The following ZFHX3 variants were observed in gnomAD, a reference collection of about 807,000 sequenced individuals.
ZFHX3 encodes the protein zinc finger homeobox protein 3.
A neutral mutation model predicts 279.1 loss-of-function variants in ZFHX3; 42 were observed. The ratio of observed to expected loss-of-function variants is 0.15; its 90% CI spans 0.12 to 0.19. ZFHX3 has a LOEUF of 0.19. ZFHX3 is among the 10% of genes least tolerant of loss of function. The pLI is 1.00. For synonymous variants in ZFHX3, 2,293 were observed against 1,957.8 expected (o/e 1.17, Z -4.52); for missense variants, 4,981 against 4,754.0 (o/e 1.05, Z -1.40).
At chr16:73,289,402 G>T (rs1221162131) in intron 4 of ZFHX3, among the ~76,000 whole-genome samples, 1 of 152,010 alleles carries the variant, frequency 6.6e-6, no homozygotes, top group Admixed American at 6.6e-5. Context: ...GTAAGAGGGT[G>T]ACTCAAAACA....
intron 2 of ZFHX3, among the ~76,000 whole-genome samples, chr16:73,536,188 G>A (rs576527310): frequency 6.6e-6 from 1 of 152,192 alleles, no homozygotes; most frequent in African/African-American, 2.4e-5. Flanking sequence ...TTCTCTACAG[G>A]TATAGCTATC....
At chr16:72,950,426 C>T (rs755839814) in intron 3 of ZFHX3, 43 bp downstream of exon 3, 1 of 1,593,592 alleles carries the variant, frequency 6.3e-7, no homozygotes, top group South Asian at 1.1e-5. Context: ...GCAACCCCCT[C>T]CTTTCAGAAA....
intron 1 of ZFHX3, among the ~76,000 whole-genome samples, chr16:73,843,124 G>A (rs1961354728): frequency 6.6e-6 from 1 of 152,188 alleles, no homozygotes; most frequent in Admixed American, 6.5e-5. Context: ...TAAACATTGT[G>A]CTTAATTGTT....
intron 1 of ZFHX3, among the ~76,000 whole-genome samples, chr16:73,683,552 T>TC (rs1331393667): frequency 6.6e-6 from 1 of 152,206 alleles, no homozygotes; most frequent in Non-Finnish European, 1.5e-5. Context: ...TTGGGATTTT[T>TC]TTTTTTAAGA....
intron 2 of ZFHX3, among the ~76,000 whole-genome samples, chr16:73,649,839 G>A (rs542659775): frequency 6.6e-6 from 1 of 152,302 alleles, no homozygotes; most frequent in African/African-American, 2.4e-5. Flanking sequence ...AAGGCCAAAG[G>A]AGGGAGGTAG....
intron 3 of ZFHX3, among the ~76,000 whole-genome samples, chr16:73,433,557 C>T (rs1437607424): frequency 6.6e-6 from 1 of 152,202 alleles, no homozygotes; most frequent in Non-Finnish European, 1.5e-5. Context: ...GACGCCCACC[C>T]CAGCTGGAGA....
chr16:73,242,348 T>A (rs1258492829), intron 5 of ZFHX3, among the ~76,000 whole-genome samples: 2 of 152,142 alleles, frequency 1.3e-5, no homozygotes, highest in Non-Finnish European at 2.9e-5. Flanking sequence ...ATGAACTGTC[T>A]GCCACCCCCA....
chr16:73,562,981 C>T (rs1020091255), intron 2 of ZFHX3, among the ~76,000 whole-genome samples: 1 of 152,070 alleles, frequency 6.6e-6, no homozygotes, highest in Non-Finnish European at 1.5e-5. Flanking sequence ...GCTTGAAATA[C>T]GTGTAAACCA....
chr16:73,100,901 T>C (rs1370792746), intron 7 of ZFHX3, among the ~76,000 whole-genome samples: 1 of 152,128 alleles, frequency 6.6e-6, no homozygotes, highest in African/African-American at 2.4e-5. Context: ...CCAGCCAATT[T>C]CCAGGATTCT....
chr16:73,411,810 C>G (rs1309941268), intron 3 of ZFHX3, among the ~76,000 whole-genome samples: 2 of 152,170 alleles, frequency 1.3e-5, no homozygotes, highest in African/African-American at 4.8e-5. Context: ...GCCCAGCATC[C>G]TTACTCCTGT....
At chr16:73,773,725 T>C (rs1173859540) in intron 1 of ZFHX3, among the ~76,000 whole-genome samples, 1 of 152,138 alleles carries the variant, frequency 6.6e-6, no homozygotes, top group African/African-American at 2.4e-5. Context: ...TTATGTGAAG[T>C]TGTAAATAAA....
intron 5 of ZFHX3, among the ~76,000 whole-genome samples, chr16:73,254,193 G>T (rs528038234): frequency 6.6e-6 from 1 of 152,290 alleles, no homozygotes; most frequent in Admixed American, 6.5e-5. Flanking sequence ...GCCCAGGTGA[G>T]ATTTTTCTCT....
chr16:73,640,838 T>G (rs7190351), intron 2 of ZFHX3, among the ~76,000 whole-genome samples: 20,869 of 151,996 alleles, frequency 0.14, 1,818 homozygotes, highest in African/African-American at 0.24. Flanking sequence ...AGATTAAAAG[T>G]TTCCAACCAG....
At chr16:73,269,907 C>T (rs1334223332) in intron 4 of ZFHX3, among the ~76,000 whole-genome samples, 3 of 152,024 alleles carry the variant, frequency 2.0e-5, no homozygotes, top group Admixed American at 6.6e-5. Context: ...CGCCACCATG[C>T]CTGGCTAATT....
At chr16:73,127,076 G>A (rs1966581734) in intron 7 of ZFHX3, 1 of 254,042 alleles carries the variant, frequency 3.9e-6, no homozygotes, top group Admixed American at 5.1e-5. Context: ...TAAGAGACGG[G>A]GTGCAGGGCC....
intron 3 of ZFHX3, among the ~76,000 whole-genome samples, chr16:72,904,105 C>A (rs1210089329): frequency 6.6e-6 from 1 of 152,200 alleles, no homozygotes; most frequent in Non-Finnish European, 1.5e-5. Context: ...GTGGCTCACG[C>A]CTATAATCCT....
chr16:73,472,508 G>A (rs2018687845), intron 2 of ZFHX3, among the ~76,000 whole-genome samples: 1 of 152,176 alleles, frequency 6.6e-6, no homozygotes, highest in South Asian at 2.1e-4. Flanking sequence ...TGGGAAGTGG[G>A]AGAAATAGCC....
At chr16:73,264,061 G>A (rs1160536697) in intron 4 of ZFHX3, among the ~76,000 whole-genome samples, 1 of 152,122 alleles carries the variant, frequency 6.6e-6, no homozygotes, top group Non-Finnish European at 1.5e-5. Flanking sequence ...CAGCTACTTG[G>A]GAGACTGAGG....
intron 3 of ZFHX3, among the ~76,000 whole-genome samples, chr16:73,352,527 G>A (rs901669794): frequency 4.3e-5 from 6 of 141,132 alleles, no homozygotes; most frequent in Admixed American, 7.6e-5. Context: ...CACCCAGGCT[G>A]GAGGGCACCA....
Sources: allele counts gnomAD v4.1 joint callset (sites outside exome capture counted in the v4.1 genomes callset), GRCh38; gene constraint gnomAD v4.1.1; transcripts MANE v1.5; gene names NCBI Gene and HGNC (gene_info 2026-07-23, HGNC 2026-07-21).